The following SNRK variants were observed in gnomAD, a reference collection of about 807,000 sequenced individuals.
The protein encoded by SNRK is SNF related kinase, also known as SNF-related serine/threonine-protein kinase.
A neutral mutation model predicts 48.2 loss-of-function variants in SNRK; 3 were observed. The ratio of observed to expected loss-of-function variants is 0.06; its 90% CI spans 0.03 to 0.16. The LOEUF is 0.16. SNRK is among the 10% of genes least tolerant of loss of function. The pLI is 1.00. For missense variants in SNRK, 627 were observed against 976.0 expected, an observed-to-expected ratio of 0.64 and a Z score of 4.76; for synonymous variants, 376 against 366.1, an observed-to-expected ratio of 1.03 and a Z score of -0.31.
At chr3:43,312,830 C>T (rs1222264265) in intron 3 of SNRK, among the ~76,000 whole-genome samples, 1 of 152,110 alleles carries the variant, frequency 6.6e-6, no homozygotes, top group African/African-American at 2.4e-5. Context: ...AATTTAAAGT[C>T]ATGCCAAAGA....
chr3:43,323,064 G>A (rs60874185), intron 3 of SNRK, among the ~76,000 whole-genome samples: 1 of 151,888 alleles, frequency 6.6e-6, no homozygotes, highest in African/African-American at 2.4e-5. Flanking sequence ...TTTCAACAAA[G>A]GTGCTAAAGC....
At chr3:43,319,048 T>C (rs142607642) in intron 3 of SNRK, among the ~76,000 whole-genome samples, 271 of 148,888 alleles carry the variant, frequency 1.8e-3, no homozygotes, top group African/African-American at 6.4e-3. Flanking sequence ...AAAAAAAGAA[T>C]CAGTTTGTTT....
chr3:43,330,026 T>C (rs980569282), intron 3 of SNRK, among the ~76,000 whole-genome samples: 1 of 152,218 alleles, frequency 6.6e-6, no homozygotes, highest in African/African-American at 2.4e-5. Context: ...GAGATAGTAG[T>C]GGAAATAATG....
chr3:43,346,564 T>C (rs546897839), intron 6 of SNRK, among the ~76,000 whole-genome samples: 17 of 152,338 alleles, frequency 1.1e-4, no homozygotes, highest in African/African-American at 4.1e-4. Flanking sequence ...TCACTACTCT[T>C]GTATGGGCAT....
intron 3 of SNRK, among the ~76,000 whole-genome samples, chr3:43,317,761 A>AC (rs1337966903): frequency 1.3e-5 from 2 of 151,566 alleles, no homozygotes; most frequent in Non-Finnish European, 2.9e-5. Context: ...CCCACATGTC[A>AC]CCCCTCAGTG....
intron 3 of SNRK, among the ~76,000 whole-genome samples, chr3:43,322,779 C>T (rs943961865): frequency 1.1e-4 from 16 of 151,558 alleles, no homozygotes; most frequent in African/African-American, 2.4e-4. Context: ...GGTGAAACCC[C>T]GTCTCTACTA....
chr3:43,346,056 C>G (rs2091273177), intron 6 of SNRK, among the ~76,000 whole-genome samples: 2 of 152,108 alleles, frequency 1.3e-5, no homozygotes, highest in African/African-American at 4.8e-5. Context: ...TTGGAACTCT[C>G]TAGGGAGGAG....
intron 3 of SNRK, among the ~76,000 whole-genome samples, chr3:43,323,420 T>C (rs1192633737): frequency 6.6e-6 from 1 of 152,182 alleles, no homozygotes; most frequent in Non-Finnish European, 1.5e-5. Flanking sequence ...ACCACACCTA[T>C]TAGAATAGCT....
intron 4 of SNRK, among the ~76,000 whole-genome samples, chr3:43,334,145 CA>C (rs2091169207): frequency 6.6e-6 from 1 of 151,682 alleles, no homozygotes; most frequent in Admixed American, 6.6e-5. Context: ...GACTCTGTCT[CA>C]AAAAACTAAT....
chr3:43,344,699 T>A (rs1409414134), intron 6 of SNRK, among the ~76,000 whole-genome samples: 21 of 152,104 alleles, frequency 1.4e-4, no homozygotes, highest in Non-Finnish European at 8.8e-5. Flanking sequence ...TAGTGTCTGC[T>A]TAGAAGAGGA....
intron 3 of SNRK, among the ~76,000 whole-genome samples, chr3:43,322,024 C>T (rs372302472): frequency 6.6e-6 from 1 of 152,230 alleles, no homozygotes; most frequent in African/African-American, 2.4e-5. Context: ...AATAGTGCTG[C>T]CGCACATTTG....
chr3:43,348,343 C>G lies in SNRK; in HGVS notation c.2084C>G (p.Ala695Gly). Residue 695 changes from alanine (A) to glycine (G), a missense_variant, in exon 7 of 7, where the codon GCA (alanine) becomes GGA (glycine). This residue lies in a region of SNRK where 207 missense variants were observed against 234.3 expected (regional missense o/e 0.88). Coordinates refer to ENST00000296088, the MANE Select transcript of SNRK (RefSeq NM_017719.5). Reference protein sequence around the residue: ...WKMCISSTGNAGQVPAVGGIK... With the variant: ...WKMCISSTGNGGQVPAVGGIK... ...ATGTGCATTAGCTCCACAGGGAATG[C>G]AGGGCAGGTCCCTGCAGTGGGCGGC... 2 of 1,609,820 alleles carry G rather than the reference C, an allele frequency of 1.2e-6. No homozygotes were observed. The highest frequency in any genetic ancestry group is 2.2e-5 in the South Asian group (2 of 90,410).
chr3:43,307,607 A>G (rs2090947523), intron 3 of SNRK, among the ~76,000 whole-genome samples: 3 of 152,208 alleles, frequency 2.0e-5, no homozygotes, highest in African/African-American at 7.2e-5. Flanking sequence ...TGCCAGACAC[A>G]GCACCCAGAT....
chr3:43,309,380 G>A (rs2090961649), intron 3 of SNRK, among the ~76,000 whole-genome samples: 1 of 152,068 alleles, frequency 6.6e-6, no homozygotes, highest in Admixed American at 6.6e-5. Flanking sequence ...TTCTACTGTA[G>A]GTAAAATATG....
chr3:43,307,764 A>G (rs1016328068), intron 3 of SNRK, among the ~76,000 whole-genome samples: 11 of 152,144 alleles, frequency 7.2e-5, no homozygotes, highest in South Asian at 2.1e-4. Context: ...AATTAGGCCA[A>G]TTAATTACAG....
chr3:43,320,175 T>C (rs966656232), intron 3 of SNRK, among the ~76,000 whole-genome samples: 1 of 152,202 alleles, frequency 6.6e-6, no homozygotes, highest in African/African-American at 2.4e-5. Context: ...ATTTCATGGA[T>C]ATGACTTGAG....
chr3:43,304,630 A>C (rs2090923173), intron 3 of SNRK, among the ~76,000 whole-genome samples: 1 of 152,174 alleles, frequency 6.6e-6, no homozygotes, highest in Non-Finnish European at 1.5e-5. Flanking sequence ...GTTGATCCGA[A>C]GGTGCAGTCA....
At chr3:43,327,181 G>T (rs17406718) in intron 3 of SNRK, among the ~76,000 whole-genome samples, 6,169 of 152,286 alleles carry the variant, frequency 0.041, 210 homozygotes, top group African/African-American at 0.086. Flanking sequence ...TAGTTCTTCT[G>T]TGTAAATAGG....
chr3:43,311,911 T>G (rs2090981589), intron 3 of SNRK, among the ~76,000 whole-genome samples: 1 of 152,168 alleles, frequency 6.6e-6, no homozygotes, highest in African/African-American at 2.4e-5. Flanking sequence ...TTAGAAACTC[T>G]AAAATGGGAA....
Sources: allele counts gnomAD v4.1 joint callset (sites outside exome capture counted in the v4.1 genomes callset), GRCh38; gene constraint gnomAD v4.1.1; regional missense constraint gnomAD v4.1.1; transcripts MANE v1.5; gene names NCBI Gene and HGNC (gene_info 2026-07-23, HGNC 2026-07-21).